The following CNTNAP2 variants were observed in gnomAD, a reference collection of about 807,000 sequenced individuals.
The protein encoded by CNTNAP2 is contactin-associated protein-like 2.
A neutral mutation model predicts 155.2 loss-of-function variants in CNTNAP2; 98 were observed. That is an observed-to-expected ratio of 0.63 (90% confidence interval 0.54 to 0.75). The LOEUF is 0.75. CNTNAP2 is among the 30% of genes least tolerant of loss of function. CNTNAP2 has a pLI of 0.00. For synonymous variants in CNTNAP2, 651 were observed against 631.2 expected, an observed-to-expected ratio of 1.03 and a Z score of -0.47; for missense variants, 1,727 against 1,688.1, an observed-to-expected ratio of 1.02 and a Z score of -0.40.
chr7:146,175,403 A>T (rs545564736), intron 1 of CNTNAP2, among the ~76,000 whole-genome samples: 5 of 152,288 alleles, frequency 3.3e-5, no homozygotes, highest in African/African-American at 1.2e-4. Flanking sequence ...TCTGGTTCTA[A>T]TACATCCTTT....
intron 1 of CNTNAP2, among the ~76,000 whole-genome samples, chr7:146,584,872 G>A (rs1464823360): frequency 6.6e-6 from 1 of 152,142 alleles, no homozygotes; most frequent in Non-Finnish European, 1.5e-5. Flanking sequence ...ATGTATCACT[G>A]TATGAAGAAG....
chr7:147,604,380 A>G (rs1444829267), intron 12 of CNTNAP2, among the ~76,000 whole-genome samples: 1 of 152,188 alleles, frequency 6.6e-6, no homozygotes, highest in Non-Finnish European at 1.5e-5. Context: ...TTTACAAGAA[A>G]AAAACAGTCT....
intron 13 of CNTNAP2, among the ~76,000 whole-genome samples, chr7:147,773,504 A>C (rs931951388): frequency 1.3e-5 from 2 of 152,118 alleles, no homozygotes; most frequent in Non-Finnish European, 2.9e-5. Flanking sequence ...ACAAAACAAA[A>C]CAAACCTTGA....
chr7:148,307,658 T>C (rs1240139860), intron 21 of CNTNAP2, among the ~76,000 whole-genome samples: 1 of 152,134 alleles, frequency 6.6e-6, no homozygotes, highest in Non-Finnish European at 1.5e-5. Flanking sequence ...ACTTCTATTT[T>C]AGAAAAAATG....
intron 1 of CNTNAP2, among the ~76,000 whole-genome samples, chr7:146,419,122 G>T (rs1011201519): frequency 1.3e-5 from 2 of 152,016 alleles, no homozygotes; most frequent in African/African-American, 2.4e-5. Flanking sequence ...TGGACTCAGG[G>T]TTCCACATGG....
chr7:147,769,744 G>A (rs1797438887), intron 13 of CNTNAP2, among the ~76,000 whole-genome samples: 2 of 152,158 alleles, frequency 1.3e-5, no homozygotes, highest in African/African-American at 2.4e-5. Flanking sequence ...TCTGACTTGG[G>A]CAAGATATGT....
rs138931517 is a variant in CNTNAP2, at chr7:147,278,155, C to G, written c.1349-21986C>G. On this transcript the variant is annotated intron_variant, in intron 8 of 23. Transcript: ENST00000361727. ...AAAAAAAAAAAAAAATAGCCTCCTA[C>G]ACTTCCATCCCTTAATTCTTGACAA... Among the ~76,000 whole-genome samples, 295 of 150,554 alleles carry G rather than the reference C, an allele frequency of 2.0e-3. 2 individuals are homozygous for G. The highest frequency in any genetic ancestry group is 6.6e-3 in the African/African-American group (271 of 41,152).
chr7:147,759,007 G>A (rs1357926960), intron 13 of CNTNAP2, among the ~76,000 whole-genome samples: 1 of 151,968 alleles, frequency 6.6e-6, no homozygotes, highest in Non-Finnish European at 1.5e-5. Context: ...AAGGTAATAA[G>A]GTATATTTTA....
intron 1 of CNTNAP2, among the ~76,000 whole-genome samples, chr7:146,295,289 G>A (rs969176250): frequency 3.9e-5 from 6 of 152,152 alleles, no homozygotes; most frequent in Non-Finnish European, 7.4e-5. Context: ...AAATGGATTT[G>A]TAAGTTAGAG....
At chr7:146,444,610 C>T (rs2129120634) in intron 1 of CNTNAP2, among the ~76,000 whole-genome samples, 1 of 151,678 alleles carries the variant, frequency 6.6e-6, no homozygotes, top group African/African-American at 2.4e-5. Flanking sequence ...TCAGGGATTA[C>T]ATGACATTTT....
chr7:147,265,131 C>T (rs931406227), intron 8 of CNTNAP2, among the ~76,000 whole-genome samples: 1 of 152,158 alleles, frequency 6.6e-6, no homozygotes, highest in South Asian at 2.1e-4. Flanking sequence ...TAGCTCCTGA[C>T]AAGCAGGGCT....
intron 1 of CNTNAP2, among the ~76,000 whole-genome samples, chr7:146,714,386 A>G (rs965115918): frequency 6.6e-6 from 1 of 152,224 alleles, no homozygotes; most frequent in African/African-American, 2.4e-5. Flanking sequence ...ACCATACTAT[A>G]TTTAAAACAA....
At chr7:147,569,964 T>A (rs1053181557) in intron 12 of CNTNAP2, among the ~76,000 whole-genome samples, 5 of 152,176 alleles carry the variant, frequency 3.3e-5, no homozygotes, top group Admixed American at 6.5e-5. Context: ...GACTGACGTC[T>A]CCTATTCTTA....
chr7:147,711,563 GAGC>G (rs1796400313), intron 13 of CNTNAP2, among the ~76,000 whole-genome samples: 1 of 152,168 alleles, frequency 6.6e-6, no homozygotes, highest in South Asian at 2.1e-4. Flanking sequence ...GGAACGATGG[GAGC>G]ATGTGGCAAT....
intron 1 of CNTNAP2, among the ~76,000 whole-genome samples, chr7:146,555,910 A>T (rs1224039331): frequency 1.3e-5 from 2 of 152,192 alleles, no homozygotes; most frequent in African/African-American, 4.8e-5. Flanking sequence ...AAGTGTTACA[A>T]AGATTAAGTG....
intron 3 of CNTNAP2, among the ~76,000 whole-genome samples, chr7:146,979,867 G>A (rs960617130): frequency 6.6e-6 from 1 of 152,164 alleles, no homozygotes; most frequent in Admixed American, 6.5e-5. Context: ...TAAATCAGAT[G>A]ATGAAGGTAT....
At chr7:147,902,816 G>GTGTGTGTGTGTA (rs1799894308) in intron 13 of CNTNAP2, among the ~76,000 whole-genome samples, 1 of 109,104 alleles carries the variant, frequency 9.2e-6, no homozygotes, top group African/African-American at 3.5e-5. Context: ...GTGTGTGTAT[G>GTGTGTGTGTGTA]TGTGTGTGTG....
intron 13 of CNTNAP2, among the ~76,000 whole-genome samples, chr7:147,775,373 AT>A (rs1797565511): frequency 1.6e-5 from 1 of 63,146 alleles, no homozygotes; most frequent in Non-Finnish European, 2.9e-5. Flanking sequence ...AAATATATAT[AT>A]ATTTATATAT....
At chr7:146,825,750 C>A (rs1302560081) in intron 2 of CNTNAP2, among the ~76,000 whole-genome samples, 2 of 152,114 alleles carry the variant, frequency 1.3e-5, no homozygotes, top group Non-Finnish European at 2.9e-5. Context: ...ATGACCTCAT[C>A]TTTTTGTCCT....
Sources: gnomAD v4.1 joint callset for allele counts (sites outside exome capture counted in the v4.1 genomes callset) on GRCh38, gnomAD v4.1.1 for gene constraint, MANE v1.5 for transcripts, NCBI Gene and HGNC (gene_info 2026-07-23, HGNC 2026-07-21) for gene names.